GRID1: variants seen among roughly 807,000 people sequenced by gnomAD.
GRID1 encodes the protein glutamate ionotropic receptor delta type subunit 1.
GRID1 carries 28 observed loss-of-function variants against 98.0 expected under a neutral mutation model. That is an observed-to-expected ratio of 0.29 (90% CI 0.21 to 0.39). GRID1 has a LOEUF of 0.39. Among genes scored for constraint, GRID1 ranks in the 10% least tolerant of loss-of-function variants. The pLI is 1.00. For synonymous variants in GRID1, 553 were observed against 538.5 expected (o/e 1.03, Z -0.37); for missense variants, 1,111 against 1,340.5 (o/e 0.83, Z 2.67).
chr10:85,745,669 A>T (rs1455007415), intron 8 of GRID1, among the ~76,000 whole-genome samples: 1 of 146,580 alleles, frequency 6.8e-6, no homozygotes. Flanking sequence ...ACATGTATAC[A>T]TATGTAACTA....
intron 12 of GRID1, among the ~76,000 whole-genome samples, chr10:85,697,938 T>C (rs1841411765): frequency 6.6e-6 from 1 of 152,164 alleles, no homozygotes; most frequent in East Asian, 1.9e-4. Context: ...CCACTTTGAA[T>C]AGCAAGGATT....
At chr10:86,311,400 C>G (rs1248469819) in intron 2 of GRID1, among the ~76,000 whole-genome samples, 4 of 152,156 alleles carry the variant, frequency 2.6e-5, no homozygotes, top group African/African-American at 4.8e-5. Context: ...ATGGGTGTCA[C>G]CCATATACTT....
rs1234348431 is a variant in GRID1 at position 86,195,585 on chromosome 10, T to C, written c.520+10779A>G. 1.3e-5 allele frequency among the ~76,000 whole-genome samples: 2 copies of C among 152,258 alleles called. No homozygotes were observed. The highest frequency in any genetic ancestry group is 4.8e-5 in the African/African-American group (2 of 41,568). ...ATCAAACCAAAAATCAGAGGCAGCG[T>C]GCCAGGTTCATGTGCAGCCTCCTAC... On this transcript the variant is annotated intron_variant, in intron 3 of 15. Coordinates refer to ENST00000327946, the MANE Select transcript of GRID1 (RefSeq NM_017551.3). This position sits in a 1 kb window ranked among gnomAD's most constrained non-coding sequence, Gnocchi z 4.4.
intron 15 of GRID1, among the ~76,000 whole-genome samples, chr10:85,612,276 A>G (rs1353425814): frequency 1.3e-5 from 2 of 148,578 alleles, no homozygotes; most frequent in African/African-American, 5.0e-5. Context: ...CTTGCTGTCC[A>G]GAGGTGCCAA....
chr10:85,930,889 T>C (rs1841842545), intron 4 of GRID1, among the ~76,000 whole-genome samples: 1 of 152,200 alleles, frequency 6.6e-6, no homozygotes, highest in Non-Finnish European at 1.5e-5. Context: ...TCATCCAGAC[T>C]GGAGTGCAGT....
At chr10:85,764,920 AC>A (rs1250664748) in intron 8 of GRID1, among the ~76,000 whole-genome samples, 1 of 152,206 alleles carries the variant, frequency 6.6e-6, no homozygotes, top group African/African-American at 2.4e-5. Context: ...AGACTATATA[AC>A]AGAAATGCAG....
chr10:86,114,926 A>T (rs959407724), intron 4 of GRID1, among the ~76,000 whole-genome samples: 1 of 152,190 alleles, frequency 6.6e-6, no homozygotes, highest in Non-Finnish European at 1.5e-5. Flanking sequence ...GCAGGGATGT[A>T]GTGACAGCAG....
intron 4 of GRID1, among the ~76,000 whole-genome samples, chr10:86,108,233 C>T (rs1008982177): frequency 1.3e-5 from 2 of 152,202 alleles, no homozygotes; most frequent in African/African-American, 4.8e-5. Context: ...ACACCCCCAT[C>T]GCACACCCTG....
intron 3 of GRID1, among the ~76,000 whole-genome samples, chr10:86,145,455 T>C (rs1176049979): frequency 6.6e-6 from 1 of 152,034 alleles, no homozygotes; most frequent in African/African-American, 2.4e-5. Context: ...TGTTTTTACA[T>C]TCATCACCTG....
chr10:85,968,892 G>C (rs561192825), intron 4 of GRID1, among the ~76,000 whole-genome samples: 11 of 152,164 alleles, frequency 7.2e-5, no homozygotes, highest in Admixed American at 2.0e-4. Context: ...CCAATCAGAA[G>C]GCAGAACGAC....
At chr10:86,212,595 C>G (rs1236814987) in intron 2 of GRID1, among the ~76,000 whole-genome samples, 1 of 152,226 alleles carries the variant, frequency 6.6e-6, no homozygotes, top group East Asian at 1.9e-4. Context: ...TCTGCCGCCC[C>G]CAAGGCTGCT....
intron 8 of GRID1, among the ~76,000 whole-genome samples, chr10:85,839,979 C>A (rs534967987): frequency 9.2e-5 from 14 of 152,158 alleles, no homozygotes; most frequent in Non-Finnish European, 1.8e-4. Context: ...ATGAATATTT[C>A]TAGGCATATA....
intron 12 of GRID1, among the ~76,000 whole-genome samples, chr10:85,654,661 T>C (rs1188740843): frequency 6.6e-6 from 1 of 152,156 alleles, no homozygotes; most frequent in Non-Finnish European, 1.5e-5. Flanking sequence ...ATGAGGAGGC[T>C]GTGATAGTTG....
intron 4 of GRID1, among the ~76,000 whole-genome samples, chr10:85,962,318 A>G (rs1564636503): frequency 6.6e-6 from 1 of 152,186 alleles, no homozygotes; most frequent in Non-Finnish European, 1.5e-5. Flanking sequence ...ATCTTCCCCT[A>G]CAGCCTTCTT....
rs987155449 is a variant in GRID1 at position 86,316,611 on chromosome 10, G to A, written c.235+47330C>T. On this transcript the variant is annotated intron_variant, in intron 2 of 15. Transcript: ENST00000327946. ...AGCCCCAGTGGAAGATGGGACACAG[G>A]GTGGAGATGGAGCCAGCTCCTGAGA... 4.6e-5 allele frequency among the ~76,000 whole-genome samples: 7 copies of A among 152,344 alleles called. No individual in the cohort carries two copies. The East Asian group carries it at 1.3e-3, about 29-fold the overall frequency.
At chr10:85,771,933 G>C (rs1842273215) in intron 8 of GRID1, among the ~76,000 whole-genome samples, 1 of 152,024 alleles carries the variant, frequency 6.6e-6, no homozygotes, top group African/African-American at 2.4e-5. Context: ...AGTTAACAAG[G>C]ATACCCAGGA....
chr10:86,148,445 G>A (rs112023764), intron 3 of GRID1, among the ~76,000 whole-genome samples: 2 of 152,268 alleles, frequency 1.3e-5, no homozygotes, highest in African/African-American at 4.8e-5. Flanking sequence ...GAATAGAAAG[G>A]TGGTTACCAG....
intron 4 of GRID1, among the ~76,000 whole-genome samples, chr10:85,957,281 G>T (rs1286489899): frequency 2.0e-5 from 3 of 152,180 alleles, no homozygotes; most frequent in African/African-American, 7.2e-5. Context: ...CAGCTCCAGG[G>T]GTTTGGAGAA....
At chr10:85,978,322 A>G (rs1842500202) in intron 4 of GRID1, among the ~76,000 whole-genome samples, 1 of 152,192 alleles carries the variant, frequency 6.6e-6, no homozygotes, top group East Asian at 1.9e-4. Flanking sequence ...CAAGCCGAAA[A>G]ACATATTGCA....
Sources: allele counts gnomAD v4.1 joint callset (sites outside exome capture counted in the v4.1 genomes callset), GRCh38; gene constraint gnomAD v4.1.1; non-coding constraint Gnocchi (gnomAD v3.1); transcripts MANE v1.5; gene names NCBI Gene and HGNC (gene_info 2026-07-23, HGNC 2026-07-21).